The following ZNF714 variants were observed in gnomAD, a reference collection of about 807,000 sequenced individuals.
ZNF714 encodes the protein zinc finger protein 714.
Under a neutral mutation model 46.2 loss-of-function variants are expected in ZNF714, and 32 were observed. That is an observed-to-expected ratio of 0.69 (90% CI 0.52 to 0.93). The LOEUF (loss-of-function observed/expected upper bound fraction) is 0.93. Among genes scored for constraint, ZNF714 ranks in the 40% least tolerant of loss-of-function variants. ZNF714 has a pLI of 0.00. For synonymous variants in ZNF714, 199 were observed against 213.1 expected (o/e 0.93, Z 0.58); for missense variants, 635 against 646.3 (o/e 0.98, Z 0.19).
chr19:21,124,592 A>G lies in ZNF714; in HGVS notation c.*6260A>G, dbSNP rs963935220. Among the ~76,000 whole-genome samples the G allele has an allele frequency of 6.6e-6, 1 of 152,234 alleles. No individual in the cohort carries two copies. The highest frequency in any genetic ancestry group is 2.4e-5 in the African/African-American group (1 of 41,466). Reference sequence around the variant, plus strand: ...ATTATTTCTAGGTAATTAATACCTCACATAGTTAACATTTTTGTGGTGAGA... The same window carrying G: ...ATTATTTCTAGGTAATTAATACCTCGCATAGTTAACATTTTTGTGGTGAGA... On this transcript the variant is annotated 3_prime_UTR_variant, in exon 5 of 5. Transcript: ENST00000456283.
intron 4 of ZNF714, among the ~76,000 whole-genome samples, chr19:21,099,509 T>G (rs1274840085): frequency 6.6e-6 from 1 of 152,140 alleles, no homozygotes; most frequent in African/African-American, 2.4e-5. Flanking sequence ...TATTTTTTAG[T>G]TCTCTTTTTG....
intron 2 of ZNF714, among the ~76,000 whole-genome samples, chr19:21,090,748 AAAGTAAAGC>A (rs1330374100): frequency 2.6e-5 from 4 of 152,158 alleles, no homozygotes; most frequent in African/African-American, 9.7e-5. Context: ...GTTAATTAAG[AAAGTAAAGC>A]AATAAAAGAG....
chr19:21,094,385 A>G (rs1355250937), intron 2 of ZNF714, among the ~76,000 whole-genome samples: 2 of 152,200 alleles, frequency 1.3e-5, no homozygotes, highest in African/African-American at 2.4e-5. Context: ...TATATACTCA[A>G]TTTGGAGGTT....
chr19:21,087,222 CAAAAAAAAAAA>C (rs57295093), intron 2 of ZNF714, among the ~76,000 whole-genome samples: 1 of 92,168 alleles, frequency 1.1e-5, no homozygotes, highest in Non-Finnish European at 2.0e-5. Flanking sequence ...GCAGTCTCAG[CAAAAAAAAAAA>C]AAAAAAAAAA....
chr19:21,115,685 C>T (rs1344508989), intron 4 of ZNF714, among the ~76,000 whole-genome samples: 2 of 151,660 alleles, frequency 1.3e-5, no homozygotes, highest in Non-Finnish European at 2.9e-5. Flanking sequence ...CCATTCTCTT[C>T]TTGTCTGTGG....
At chr19:21,092,305 C>G (rs909212275) in intron 2 of ZNF714, among the ~76,000 whole-genome samples, 2 of 152,184 alleles carry the variant, frequency 1.3e-5, no homozygotes, top group Non-Finnish European at 2.9e-5. Context: ...AGGCACCACC[C>G]TCAGGAATTT....
Position 21,118,116 on chromosome 19 carries a change from AG to A in ZNF714, c.1453del (p.Glu485AsnfsTer32), listed in dbSNP as rs1330648908. The A allele has an allele frequency of 5.6e-6, 9 of 1,613,938 alleles. No homozygotes were observed. Among genetic ancestry groups the A allele is most frequent in the Non-Finnish European group, 7.6e-6 (9 of 1,179,856 alleles). On this transcript the variant is annotated frameshift_variant, in exon 5 of 5. Coordinates refer to ENST00000456283, the MANE Select transcript of ZNF714 (RefSeq NM_182515.4). LOFTEE classifies it high-confidence loss of function. ...CTGGAGAGAAATCTTACAAATGTGA[AG>A]AATGTGGTAAAGCCTTTAACCAATC... ...HTGEKSYKCE[E>X]CGKAFNQSST...
chr19:21,107,113 C>T (rs544351246), intron 4 of ZNF714, among the ~76,000 whole-genome samples: 48 of 152,300 alleles, frequency 3.2e-4, no homozygotes, highest in African/African-American at 1.0e-3. Context: ...ACATGAGCCA[C>T]GGTACCTGGC....
At chr19:21,112,872 G>T (rs1343554014) in intron 4 of ZNF714, among the ~76,000 whole-genome samples, 2 of 121,116 alleles carry the variant, frequency 1.7e-5, no homozygotes, top group Non-Finnish European at 3.2e-5. Flanking sequence ...GCCCAGGCTG[G>T]AGTGCAGTGG....
At chr19:21,115,551 A>AT (rs964232621) in intron 4 of ZNF714, among the ~76,000 whole-genome samples, 20 of 149,776 alleles carry the variant, frequency 1.3e-4, no homozygotes, top group East Asian at 1.2e-3. Flanking sequence ...CTTGATAGCT[A>AT]TTTTTTTTTA....
Position 21,117,762 on chromosome 19 carries a change from G to A in ZNF714, c.1098G>A (p.Glu366=). The A allele has an allele frequency of 6.2e-7, 1 of 1,613,636 alleles. No individual in the cohort carries two copies. The highest frequency in any genetic ancestry group is 8.5e-7 in the Non-Finnish European group (1 of 1,179,958). Reference sequence around the variant, plus strand: ...CACATAAGATGATTCATACTGGAGAGAAACCCTACAAATGTGAAGAATGTG... The same window carrying A: ...CACATAAGATGATTCATACTGGAGAAAAACCCTACAAATGTGAAGAATGTG... ...LTTHKMIHTG[E]KPYKCEECGK... Residue 366 remains glutamate (E), a synonymous_variant, in exon 5 of 5, where the codon GAG becomes GAA. Coordinates refer to ENST00000456283, the MANE Select transcript of ZNF714 (RefSeq NM_182515.4).
chr19:21,118,948 G>T lies in ZNF714; in HGVS notation c.*616G>T. ...TGAACAATGTGGCAAAACTTAACCA[G>T]TGCTCACACCTTATTGCACAGGAAA... On this transcript the variant is annotated 3_prime_UTR_variant, in exon 5 of 5. Coordinates refer to ENST00000456283, the MANE Select transcript of ZNF714 (RefSeq NM_182515.4). 3.4e-6 allele frequency: 1 copy of T among 291,238 alleles called. No homozygotes were observed. Among genetic ancestry groups the T allele is most frequent in the Non-Finnish European group, 6.7e-6 (1 of 148,890 alleles). 18.0% of individuals were successfully genotyped at this position (291,238 alleles called of 1,614,324 possible).
intron 4 of ZNF714, among the ~76,000 whole-genome samples, chr19:21,100,897 G>A (rs747421779): frequency 2.0e-5 from 3 of 152,050 alleles, no homozygotes; most frequent in Non-Finnish European, 4.4e-5. Flanking sequence ...TTTTAGTAGA[G>A]ACAGGGTTTC....
intron 2 of ZNF714, among the ~76,000 whole-genome samples, chr19:21,095,489 G>A (rs1388422819): frequency 6.6e-6 from 1 of 150,716 alleles, no homozygotes; most frequent in Non-Finnish European, 1.5e-5. Flanking sequence ...TTGAGACAGA[G>A]TCTCGCTCTG....
chr19:21,090,937 T>G (rs1968895900), intron 2 of ZNF714: 1 of 131,298 alleles, frequency 7.6e-6, no homozygotes, highest in Admixed American at 9.6e-5. Flanking sequence ...CAGGCTGGAG[T>G]GCAGTGGCAT....
chr19:21,113,385 A>C (rs953867670), intron 4 of ZNF714: 1 of 151,740 alleles, frequency 6.6e-6, no homozygotes, highest in African/African-American at 2.4e-5. Context: ...TGTTTGTTTG[A>C]GACAGAGTGT....
chr19:21,095,470 A>ATT (rs71176809), intron 2 of ZNF714, among the ~76,000 whole-genome samples: 2,674 of 148,890 alleles, frequency 0.018, 68 homozygotes, highest in African/African-American at 0.054. Context: ...TCCATCTTTT[A>ATT]TTTTTTTTTT....
intron 4 of ZNF714, among the ~76,000 whole-genome samples, chr19:21,106,891 G>C (rs1187412312): frequency 6.6e-6 from 1 of 151,762 alleles, no homozygotes; most frequent in Non-Finnish European, 1.5e-5. Flanking sequence ...GCAGTGGTGC[G>C]ATCTCGGCTC....
intron 2 of ZNF714, among the ~76,000 whole-genome samples, chr19:21,093,463 C>A (rs1012394281): frequency 1.3e-5 from 2 of 148,530 alleles, no homozygotes; most frequent in African/African-American, 2.5e-5. Context: ...AACTCCTGAC[C>A]GCAGGTGATC....
Sources: gnomAD v4.1 joint callset for allele counts (sites outside exome capture counted in the v4.1 genomes callset) on GRCh38, gnomAD v4.1.1 for gene constraint, MANE v1.5 for transcripts, NCBI Gene and HGNC (gene_info 2026-07-23, HGNC 2026-07-21) for gene names.